Variants in GRM7 observed in about 807,000 individuals in gnomAD.
The protein encoded by GRM7 is metabotropic glutamate receptor 7.
Under a neutral mutation model 84.5 loss-of-function variants are expected in GRM7, and 35 were observed. That is an observed-to-expected ratio of 0.41 (90% CI 0.32 to 0.55). The LOEUF (loss-of-function observed/expected upper bound fraction) is 0.55, where lower values mean the gene tolerates loss of function less well. GRM7 is among the 20% of genes least tolerant of loss of function. The probability of loss-of-function intolerance (pLI) is 0.19; values close to 1 mark genes in which losing one functional copy is unlikely to be tolerated. For synonymous variants in GRM7, 487 were observed against 455.1 expected, an observed-to-expected ratio of 1.07 and a Z score of -0.89; for missense variants, 1,003 against 1,194.6, an observed-to-expected ratio of 0.84 and a Z score of 2.36.
intron 8 of GRM7, among the ~76,000 whole-genome samples, chr3:7,652,409 G>T (rs1242974906): frequency 2.6e-5 from 4 of 152,168 alleles, no homozygotes; most frequent in Non-Finnish European, 1.5e-5. Context: ...CCGGCAAAGA[G>T]CATTTGTTCA....
Position 6,867,107 on chromosome 3 carries a change from C to G in GRM7, c.519+5200C>G, listed in dbSNP as rs188254970. On this transcript the variant is annotated intron_variant, in intron 1 of 9. Transcript: ENST00000357716. ...CAACTATATCTGAATCTAGATATGT[C>G]TGTGAGTTTCTAGGACGTGTTATTT... Among the ~76,000 whole-genome samples, 5 of 152,262 alleles carry G rather than the reference C, an allele frequency of 3.3e-5. No individual in the cohort carries two copies. The East Asian group carries it at 5.8e-4, about 18-fold the overall frequency.
intron 8 of GRM7, among the ~76,000 whole-genome samples, chr3:7,649,260 G>C (rs540864801): frequency 3.3e-5 from 5 of 151,878 alleles, no homozygotes; most frequent in African/African-American, 1.2e-4. Context: ...TAGTAGAGAC[G>C]GGGTTTCACC....
intron 2 of GRM7, among the ~76,000 whole-genome samples, chr3:7,169,744 A>T (rs767228992): frequency 6.6e-6 from 1 of 152,258 alleles, no homozygotes; most frequent in African/African-American, 2.4e-5. Context: ...AGACATTATT[A>T]TTTTGATAAA....
chr3:7,645,357 G>C (rs555365168), intron 8 of GRM7, among the ~76,000 whole-genome samples: 1 of 151,586 alleles, frequency 6.6e-6, no homozygotes, highest in East Asian at 2.0e-4. Flanking sequence ...GACCATCCTG[G>C]CCAACATGGT....
At chr3:6,877,977 T>C (rs139255228) in intron 1 of GRM7, among the ~76,000 whole-genome samples, 1 of 151,752 alleles carries the variant, frequency 6.6e-6, no homozygotes, top group African/African-American at 2.4e-5. Context: ...GATCTGTGGT[T>C]ACAACTCTAT....
intron 7 of GRM7, among the ~76,000 whole-genome samples, chr3:7,544,933 C>T (rs2125019017): frequency 6.6e-6 from 1 of 152,334 alleles, no homozygotes; most frequent in East Asian, 1.9e-4. Context: ...CCCTTAGGGG[C>T]ATTATCACTC....
intron 5 of GRM7, among the ~76,000 whole-genome samples, chr3:7,433,207 C>G (rs142775978): frequency 1.2e-4 from 19 of 152,276 alleles, no homozygotes; most frequent in Non-Finnish European, 2.5e-4. Flanking sequence ...TTCAAACATT[C>G]TTATCTTGAG....
chr3:7,565,164 A>G (rs754078545), intron 7 of GRM7, among the ~76,000 whole-genome samples: 4 of 152,230 alleles, frequency 2.6e-5, no homozygotes, highest in Non-Finnish European at 5.9e-5. Context: ...GGATCCTTTC[A>G]TCATTTCTAA....
intron 9 of GRM7, among the ~76,000 whole-genome samples, chr3:7,715,851 C>A (rs1701755005): frequency 6.6e-6 from 1 of 152,028 alleles, no homozygotes; most frequent in South Asian, 2.1e-4. Context: ...CATTTGTCTC[C>A]TTCCTATTTC....
At chr3:7,566,811 A>T (rs1694303243) in intron 7 of GRM7, among the ~76,000 whole-genome samples, 1 of 152,194 alleles carries the variant, frequency 6.6e-6, no homozygotes. Flanking sequence ...GGGAAAAAAA[A>T]AATGGTTCTG....
intron 8 of GRM7, among the ~76,000 whole-genome samples, chr3:7,625,908 A>C (rs1424339548): frequency 6.6e-6 from 1 of 152,154 alleles, no homozygotes; most frequent in African/African-American, 2.4e-5. Flanking sequence ...ATTACAGAAA[A>C]GGGTGAGAAA....
At chr3:7,047,814 CAG>C (rs1696855845) in intron 1 of GRM7, among the ~76,000 whole-genome samples, 1 of 152,116 alleles carries the variant, frequency 6.6e-6, no homozygotes, top group Non-Finnish European at 1.5e-5. Context: ...AGTAATCTTT[CAG>C]AGAGTTTGGT....
intron 4 of GRM7, among the ~76,000 whole-genome samples, chr3:7,408,716 C>T (rs779029214): frequency 6.6e-6 from 1 of 152,170 alleles, no homozygotes; most frequent in Non-Finnish European, 1.5e-5. Context: ...GGGCTACCTG[C>T]GGAACATGTC....
intron 8 of GRM7, among the ~76,000 whole-genome samples, chr3:7,662,190 T>C (rs1482654659): frequency 2.6e-5 from 4 of 152,162 alleles, no homozygotes; most frequent in South Asian, 4.1e-4. Context: ...TATAAAACTC[T>C]AGAAAACAGA....
At chr3:7,312,586 C>T (rs1700439439) in intron 4 of GRM7, among the ~76,000 whole-genome samples, 1 of 152,112 alleles carries the variant, frequency 6.6e-6, no homozygotes, top group Non-Finnish European at 1.5e-5. Flanking sequence ...ATGTTCTTGA[C>T]ATTCTCTTGG....
chr3:7,187,987 T>C (rs1695577424), intron 2 of GRM7, among the ~76,000 whole-genome samples: 1 of 152,122 alleles, frequency 6.6e-6, no homozygotes, highest in Admixed American at 6.5e-5. Flanking sequence ...AAAAGCCAAA[T>C]AATGTGATTT....
chr3:7,462,970 A>G (rs73117432), intron 7 of GRM7, among the ~76,000 whole-genome samples: 2,101 of 152,018 alleles, frequency 0.014, 55 homozygotes, highest in African/African-American at 0.049. Context: ...AATAAAAACA[A>G]CACAAACAAA....
chr3:7,382,575 G>A (rs1428421003), intron 4 of GRM7, among the ~76,000 whole-genome samples: 3 of 152,120 alleles, frequency 2.0e-5, no homozygotes, highest in Non-Finnish European at 4.4e-5. Context: ...TCATGTTTGA[G>A]TTCACTCTGA....
At chr3:7,140,971 G>A (rs1209387524) in intron 1 of GRM7, among the ~76,000 whole-genome samples, 2 of 151,882 alleles carry the variant, frequency 1.3e-5, no homozygotes, top group Non-Finnish European at 1.5e-5. Flanking sequence ...TTCTAGCTAA[G>A]ACTTTATATT....
Sources: allele counts gnomAD v4.1 joint callset (sites outside exome capture counted in the v4.1 genomes callset), GRCh38; gene constraint gnomAD v4.1.1; transcripts MANE v1.5; gene names NCBI Gene and HGNC (gene_info 2026-07-23, HGNC 2026-07-21).